Variants in MSI2 observed in about 807,000 individuals in gnomAD.
The protein encoded by MSI2 is musashi RNA binding protein 2, also known as RNA-binding protein Musashi homolog 2.
In MSI2, 17 loss-of-function variants were observed where a neutral mutation model predicts 45.6. The observed-to-expected ratio is 0.37, with a 90% CI of 0.26 to 0.56. The LOEUF is 0.56. Among genes scored for constraint, MSI2 ranks in the 20% least tolerant of loss-of-function variants. The pLI, the probability that MSI2 is intolerant of heterozygous loss-of-function variation, is 0.77. For synonymous variants in MSI2, 156 were observed against 158.2 expected (o/e 0.99, Z 0.11); for missense variants, 293 against 444.2 (o/e 0.66, Z 3.06).
At chr17:57,653,337 G>C (rs561221827) in intron 11 of MSI2, among the ~76,000 whole-genome samples, 1 of 152,326 alleles carries the variant, frequency 6.6e-6, no homozygotes, top group East Asian at 1.9e-4. Context: ...GTTCTCAGGG[G>C]TTGCCGAGGG....
chr17:57,454,028 G>A lies in MSI2; in HGVS notation c.405+52557G>A, dbSNP rs145131923. On this transcript the variant is annotated intron_variant, in intron 6 of 13. Transcript: ENST00000284073. ...GTGTGCTATTACCCACCTGTTGGCC[G>A]CCAAGGCTGATACCTGGCAGGAAGC... is the stretch of plus-strand genomic sequence containing the variant. Among the ~76,000 whole-genome samples, 426 of 152,322 alleles carry A rather than the reference G, an allele frequency of 2.8e-3. 1 individual carries two copies. The highest frequency in any genetic ancestry group is 4.3e-3 in the Non-Finnish European group (291 of 68,026).
At chr17:57,330,576 G>A (rs1292804188) in intron 5 of MSI2, among the ~76,000 whole-genome samples, 1 of 152,106 alleles carries the variant, frequency 6.6e-6, no homozygotes, top group Non-Finnish European at 1.5e-5. Context: ...ACTGTGTCCG[G>A]CCTCCTTTAA....
intron 7 of MSI2, among the ~76,000 whole-genome samples, chr17:57,540,484 C>A (rs182037537): frequency 2.2e-4 from 34 of 152,256 alleles, no homozygotes; most frequent in Admixed American, 1.9e-3. Flanking sequence ...GAAGTCCTAA[C>A]CCCAAAAAGA....
chr17:57,331,517 T>C (rs17821457), intron 5 of MSI2, among the ~76,000 whole-genome samples: 14,474 of 152,132 alleles, frequency 0.095, 756 homozygotes, highest in South Asian at 0.12. Flanking sequence ...CACGTGAGGG[T>C]TGATCATCTG....
At chr17:57,368,688 C>T (rs1282992296) in intron 5 of MSI2, among the ~76,000 whole-genome samples, 5 of 152,186 alleles carry the variant, frequency 3.3e-5, no homozygotes, top group Non-Finnish European at 7.3e-5. Context: ...CAAAGATTTT[C>T]AGAACCGCAG....
At chr17:57,297,448 A>T (rs978425497) in intron 5 of MSI2, among the ~76,000 whole-genome samples, 3 of 147,456 alleles carry the variant, frequency 2.0e-5, no homozygotes, top group Admixed American at 6.6e-5. Flanking sequence ...TACATTTGAT[A>T]AAAAAAAATT....
At chr17:57,277,969 T>G (rs1598060774) in intron 5 of MSI2, 1 of 152,152 alleles carries the variant, frequency 6.6e-6, no homozygotes, top group African/African-American at 2.4e-5. Flanking sequence ...GAGGTAGAGG[T>G]GGGAGGACTG....
At chr17:57,616,968 G>A (rs1178974026) in intron 9 of MSI2, among the ~76,000 whole-genome samples, 1 of 152,226 alleles carries the variant, frequency 6.6e-6, no homozygotes, top group Non-Finnish European at 1.5e-5. Context: ...GAGCTGTCTA[G>A]TGTTAATGGA....
At chr17:57,364,153 T>C (rs1390224323) in intron 5 of MSI2, among the ~76,000 whole-genome samples, 2 of 152,192 alleles carry the variant, frequency 1.3e-5, no homozygotes, top group African/African-American at 2.4e-5. Flanking sequence ...GATTCTGTTT[T>C]GTTAGCCCTC....
chr17:57,615,596 G>A (rs1388119054), intron 8 of MSI2, among the ~76,000 whole-genome samples: 2 of 152,190 alleles, frequency 1.3e-5, no homozygotes, highest in African/African-American at 4.8e-5. Flanking sequence ...GAAAAATCCT[G>A]AGGGATTATT....
chr17:57,356,527 C>A (rs893865085), intron 5 of MSI2, among the ~76,000 whole-genome samples: 1 of 152,190 alleles, frequency 6.6e-6, no homozygotes, highest in Non-Finnish European at 1.5e-5. Flanking sequence ...CCCCCTCCCC[C>A]AAAGACGAAA....
At chr17:57,406,459 G>A (rs1160407963) in intron 6 of MSI2, among the ~76,000 whole-genome samples, 2 of 152,086 alleles carry the variant, frequency 1.3e-5, no homozygotes, top group Admixed American at 6.5e-5. Flanking sequence ...TGAATTCTCC[G>A]CTTCGTCCCG....
At chr17:57,538,459 C>G (rs2086969825) in intron 7 of MSI2, among the ~76,000 whole-genome samples, 1 of 152,168 alleles carries the variant, frequency 6.6e-6, no homozygotes, top group South Asian at 2.1e-4. Flanking sequence ...TCCCAGCTTT[C>G]CCTTGGGCGT....
intron 5 of MSI2, among the ~76,000 whole-genome samples, chr17:57,393,373 G>C (rs1187240491): frequency 3.3e-5 from 5 of 152,182 alleles, no homozygotes; most frequent in Non-Finnish European, 7.3e-5. Context: ...TACCCAAACT[G>C]TAATACGTGA....
chr17:57,537,431 A>T lies in MSI2; in HGVS notation c.454+7707A>T, dbSNP rs2086944680. Among the ~76,000 whole-genome samples the T allele has an allele frequency of 1.3e-5, 2 of 152,262 alleles. 1 individual carries two copies. Among genetic ancestry groups the T allele is most frequent in the Non-Finnish European group, 2.9e-5 (2 of 68,048 alleles). On this transcript the variant is annotated intron_variant, in intron 7 of 13. Coordinates refer to ENST00000284073, the MANE Select transcript of MSI2 (RefSeq NM_138962.4). ...AGAGACCAGCCCCGGAGCTGTCTGCACATTTTATTTTCTCGTTAAATAAAC... is the reference window on the plus strand; with the variant it reads ...AGAGACCAGCCCCGGAGCTGTCTGCTCATTTTATTTTCTCGTTAAATAAAC...
At chr17:57,486,380 G>A (rs967920219) in intron 6 of MSI2, among the ~76,000 whole-genome samples, 5 of 152,290 alleles carry the variant, frequency 3.3e-5, no homozygotes, top group South Asian at 2.1e-4. Flanking sequence ...ATAGGGAAGG[G>A]CAAAACAAAA....
At chr17:57,309,825 A>C (rs1458020323) in intron 5 of MSI2, among the ~76,000 whole-genome samples, 1 of 152,166 alleles carries the variant, frequency 6.6e-6, no homozygotes, top group African/African-American at 2.4e-5. Context: ...GGCACGACTC[A>C]GTGGCAGAAG....
chr17:57,582,104 T>G (rs2088222283), intron 7 of MSI2, among the ~76,000 whole-genome samples: 2 of 152,154 alleles, frequency 1.3e-5, no homozygotes, highest in African/African-American at 4.8e-5. Flanking sequence ...AAAGATCCCT[T>G]CTTGGTGTGG....
intron 6 of MSI2, among the ~76,000 whole-genome samples, chr17:57,499,674 G>C (rs1164302713): frequency 6.6e-5 from 10 of 152,182 alleles, no homozygotes; most frequent in Admixed American, 6.6e-4. Context: ...GCGGGAATTT[G>C]GGCGGGACTC....
Sources: gnomAD v4.1 joint callset for allele counts (sites outside exome capture counted in the v4.1 genomes callset) on GRCh38, gnomAD v4.1.1 for gene constraint, MANE v1.5 for transcripts, NCBI Gene and HGNC (gene_info 2026-07-23, HGNC 2026-07-21) for gene names.